PALLD: variants seen among roughly 807,000 people sequenced by gnomAD.
PALLD encodes palladin.
PALLD carries 61 observed loss-of-function variants against 123.5 expected under a neutral mutation model. That is an observed-to-expected ratio of 0.49 (90% CI 0.40 to 0.61). The LOEUF (loss-of-function observed/expected upper bound fraction) is 0.61. Ranked by LOEUF, PALLD falls within the 20% of genes least tolerant of loss-of-function variation. PALLD has a pLI of 0.00. For synonymous variants in PALLD, 465 were observed against 496.4 expected (o/e 0.94, Z 0.84); for missense variants, 1,273 against 1,377.0 (o/e 0.92, Z 1.20).
chr4:168,762,058 C>T (rs973749673), intron 10 of PALLD, among the ~76,000 whole-genome samples: 1 of 149,714 alleles, frequency 6.7e-6, no homozygotes, highest in East Asian at 2.0e-4. Flanking sequence ...TTTAATAGTC[C>T]ATAAACATTG....
Position 168,578,054 on chromosome 4 carries a change from G to T in PALLD, c.908+65642G>T, listed in dbSNP as rs151027487. Among the ~76,000 whole-genome samples the T allele has an allele frequency of 3.4e-4, 52 of 152,124 alleles. No homozygotes were observed. In the East Asian group the frequency reaches 0.01, roughly 29 times the overall value. On this transcript the variant is annotated intron_variant, in intron 2 of 21. Coordinates refer to ENST00000505667, the MANE Select transcript of PALLD (RefSeq NM_001166108.2). ...TAATGTGTGCTTCCTTTGGATGCAG[G>T]ATATACTGAGGCAAAGTAGCCTAGA...
chr4:168,816,354 A>G (rs1741909885), intron 10 of PALLD, among the ~76,000 whole-genome samples: 1 of 150,398 alleles, frequency 6.6e-6, no homozygotes, highest in Admixed American at 6.7e-5. Flanking sequence ...TGTTATTGGC[A>G]CATCTACTTA....
At chr4:168,623,221 G>A (rs1774928319) in intron 2 of PALLD, among the ~76,000 whole-genome samples, 1 of 152,134 alleles carries the variant, frequency 6.6e-6, no homozygotes, top group Admixed American at 6.6e-5. Context: ...CTACCTGAAG[G>A]ATCCAAAGAG....
chr4:168,570,228 C>T (rs964054841), intron 2 of PALLD, among the ~76,000 whole-genome samples: 5 of 152,060 alleles, frequency 3.3e-5, no homozygotes, highest in African/African-American at 4.8e-5. Flanking sequence ...ATTTAACGGG[C>T]GGATTTTATT....
intron 2 of PALLD, among the ~76,000 whole-genome samples, chr4:168,547,341 A>AGTGTGTGTGTT (rs1766235154): frequency 6.6e-6 from 1 of 151,788 alleles, no homozygotes; most frequent in Admixed American, 6.6e-5. Context: ...AGTGTGTGGG[A>AGTGTGTGTGTT]GTGTGTGTGT....
chr4:168,835,361 C>G (rs1297724844), intron 10 of PALLD, among the ~76,000 whole-genome samples: 2 of 152,132 alleles, frequency 1.3e-5, no homozygotes, highest in Non-Finnish European at 2.9e-5. Flanking sequence ...TAAAAGAGCA[C>G]TAAAGCGTTC....
At chr4:168,602,136 G>T (rs1033414574) in intron 2 of PALLD, among the ~76,000 whole-genome samples, 1 of 152,184 alleles carries the variant, frequency 6.6e-6, no homozygotes, top group Non-Finnish European at 1.5e-5. Flanking sequence ...GGGTCACAAG[G>T]TCCAAAGCAT....
intron 10 of PALLD, among the ~76,000 whole-genome samples, chr4:168,746,531 G>A: frequency 6.6e-6 from 1 of 152,000 alleles, no homozygotes; most frequent in Non-Finnish European, 1.5e-5. Context: ...TCTGGAGCTA[G>A]CACAGTCCTT....
chr4:168,708,170 C>T (rs910016344), intron 8 of PALLD, among the ~76,000 whole-genome samples: 15 of 152,168 alleles, frequency 9.9e-5, no homozygotes, highest in Admixed American at 9.8e-4. Context: ...ACTTACATAA[C>T]TCATAAGATT....
At chr4:168,513,969 G>A (rs1174968312) in intron 2 of PALLD, among the ~76,000 whole-genome samples, 1 of 152,032 alleles carries the variant, frequency 6.6e-6, no homozygotes, top group Admixed American at 6.6e-5. Flanking sequence ...AGCCAGGCAT[G>A]GAGGCGAGTG....
chr4:168,690,474 A>G (rs942219801), intron 6 of PALLD, 129 bp from the exon 7 acceptor site: 3 of 1,121,814 alleles, frequency 2.7e-6, no homozygotes, highest in Non-Finnish European at 4.1e-6. Context: ...TTATTTGATG[A>G]TGCAAGTTTT....
intron 10 of PALLD, among the ~76,000 whole-genome samples, chr4:168,739,106 G>A (rs558561199): frequency 1.1e-4 from 17 of 152,180 alleles, no homozygotes; most frequent in African/African-American, 3.6e-4. Context: ...ACAGCCTTTC[G>A]TTATTTTTTT....
At chr4:168,662,508 G>A (rs1779222255) in intron 2 of PALLD, among the ~76,000 whole-genome samples, 1 of 152,254 alleles carries the variant, frequency 6.6e-6, no homozygotes, top group Admixed American at 6.5e-5. Context: ...ACATTCTGAT[G>A]AGTGAGTGAT....
intron 17 of PALLD, among the ~76,000 whole-genome samples, chr4:168,919,796 A>G (rs529000507): frequency 2.4e-4 from 37 of 152,272 alleles, no homozygotes; most frequent in African/African-American, 7.9e-4. Flanking sequence ...ATGTGTGCTG[A>G]GAGTACAGAT....
rs70961540 is a variant in PALLD, at chr4:168,606,663, CAAA to C, written c.909-61508_909-61506del. On this transcript the variant is annotated intron_variant, in intron 2 of 21. Transcript: ENST00000505667. ...TGGGGGACAGAGCGAGACTCCGTCT[CAAA>C]AAAAAAAAAAAAAAAAAAGATCAAG... Among the ~76,000 whole-genome samples, 422 of 92,078 alleles carry C rather than the reference CAAA, an allele frequency of 4.6e-3. 3 individuals carry two copies. The highest frequency in any genetic ancestry group is 0.01 in the African/African-American group (239 of 23,596). 60.4% of individuals were successfully genotyped at this position (92,078 alleles called of 152,430 possible). A position where few individuals can be genotyped will look rare whatever the true frequency, so the allele number is the denominator to read the frequency against.
chr4:168,664,608 A>G (rs1216609091), intron 2 of PALLD, among the ~76,000 whole-genome samples: 2 of 152,206 alleles, frequency 1.3e-5, no homozygotes, highest in Non-Finnish European at 2.9e-5. Context: ...AAATTTGCCC[A>G]GTAAGGTATA....
At chr4:168,755,745 A>C (rs1361685158) in intron 10 of PALLD, 3 of 154,324 alleles carry the variant, frequency 1.9e-5, no homozygotes, top group African/African-American at 7.2e-5. Context: ...GCCAGAAACC[A>C]TGGTGGCTTG....
intron 2 of PALLD, among the ~76,000 whole-genome samples, chr4:168,610,685 CT>C (rs1773644698): frequency 6.6e-6 from 1 of 150,642 alleles, no homozygotes; most frequent in South Asian, 2.1e-4. Flanking sequence ...GGGGCCAGCA[CT>C]TTTACACAAA....
intron 2 of PALLD, among the ~76,000 whole-genome samples, chr4:168,626,488 T>C (rs1211763914): frequency 2.0e-5 from 3 of 150,576 alleles, no homozygotes; most frequent in East Asian, 2.0e-4. Context: ...GGCGGGTGGA[T>C]TGCTTCAGCC....
Sources: allele counts gnomAD v4.1 joint callset (sites outside exome capture counted in the v4.1 genomes callset), GRCh38; gene constraint gnomAD v4.1.1; transcripts MANE v1.5; gene names NCBI Gene and HGNC (gene_info 2026-07-23, HGNC 2026-07-21).